RBM4: variants seen among roughly 807,000 people sequenced by gnomAD.
RBM4 encodes the protein RNA-binding protein 4.
Under a neutral mutation model 29.5 loss-of-function variants are expected in RBM4, and 7 were observed. The observed-to-expected ratio is 0.24, with a 90% CI of 0.14 to 0.45. The LOEUF (loss-of-function observed/expected upper bound fraction) is 0.45, where lower values mean the gene tolerates loss of function less well. RBM4 is among the 20% of genes least tolerant of loss of function. RBM4 has a pLI of 1.00. For missense variants in RBM4, 387 were observed against 502.3 expected, an observed-to-expected ratio of 0.77 and a Z score of 2.19; for synonymous variants, 220 against 205.4, an observed-to-expected ratio of 1.07 and a Z score of -0.61.
intron 2 of RBM4, chr11:66,665,476 T>C: frequency 1.1e-6 from 1 of 874,396 alleles, no homozygotes; most frequent in Non-Finnish European, 1.8e-6. Context: ...TCCTTTTGTT[T>C]ACTGAAACAT....
downstream of RBM4, among the ~76,000 whole-genome samples, chr11:66,648,141 G>T (rs1938746710): frequency 6.6e-6 from 1 of 152,150 alleles, no homozygotes. Context: ...AGGAGGCAGA[G>T]GTTGCAGTGA....
At chr11:66,645,894 T>C in intron 3 of RBM4, 133 bp from the exon 4 acceptor site, 1 of 1,462,060 alleles carries the variant, frequency 6.8e-7, no homozygotes, top group African/African-American at 1.4e-5. Flanking sequence ...ATTACTGTGA[T>C]ACTGGGGGAG....
At chr11:66,649,000 A>ATTGCTT (rs1938768054), downstream of RBM4, among the ~76,000 whole-genome samples, 1 of 149,368 alleles carries the variant, frequency 6.7e-6, no homozygotes, top group African/African-American at 2.5e-5. Context: ...TAAACCATTT[A>ATTGCTT]TTGCTTTTGT....
At chr11:66,653,107 T>C (rs928891522) in intron 2 of RBM4, among the ~76,000 whole-genome samples, 1 of 152,166 alleles carries the variant, frequency 6.6e-6, no homozygotes, top group Admixed American at 6.5e-5. Flanking sequence ...TATTCAGATA[T>C]GCAACAAGAT....
rs1045179910 is a variant in RBM4, at chr11:66,643,320, A to G, written c.413-130A>G. On this transcript the variant is annotated intron_variant, in intron 2 of 3. Transcript: ENST00000310092. The surrounding 1 kb of genome is among the most constrained non-coding windows in gnomAD (Gnocchi z 6.1). ...TGAGTCTTTTTTTTTTTTCCTTTTT[A>G]TCTTTTCCTAAAGATGAGTCCTGCA... 17 of 1,134,582 alleles carry G rather than the reference A, an allele frequency of 1.5e-5. No homozygotes were observed. The Admixed American group carries it at 3.8e-4, about 25-fold the overall frequency. The allele number at this position is 1,134,582 out of a possible 1,614,324, so 70.3% of individuals were successfully genotyped here. A position where few individuals can be genotyped will look rare whatever the true frequency, so the allele number is the denominator to read the frequency against.
intron 2 of RBM4, among the ~76,000 whole-genome samples, chr11:66,663,377 T>G (rs1484636504): frequency 1.3e-5 from 2 of 152,196 alleles, no homozygotes; most frequent in Non-Finnish European, 2.9e-5. Flanking sequence ...AATTTTTTAT[T>G]TTTTTGAGAT....
chr11:66,646,218 T>TC lies in RBM4; in HGVS notation c.*201dup. On this transcript the variant is annotated 3_prime_UTR_variant, in exon 4 of 4. Transcript: ENST00000310092. ...TTTCCTCTCCTGCCCATTTTCCTGT[T>TC]CTTCTGTCCTTCAATACTTCTGTAG... 6.9e-7 allele frequency: 1 copy of TC among 1,453,502 alleles called. No individual in the cohort carries two copies. The highest frequency in any genetic ancestry group is 1.4e-5 in the South Asian group (1 of 70,290). 90.0% of individuals were successfully genotyped at this position (1,453,502 alleles called of 1,614,324 possible).
chr11:66,662,893 TACTG>T lies in RBM4; in HGVS notation c.413-2960_413-2957del, dbSNP rs1939111430. 3.9e-5 allele frequency among the ~76,000 whole-genome samples: 6 copies of T among 152,194 alleles called. No homozygotes were observed. The South Asian group carries it at 1.2e-3, about 32-fold the overall frequency. On this transcript the variant is annotated intron_variant, in intron 2 of 2. Transcript: ENST00000396053. The stretch of plus-strand genomic sequence containing the variant: ...GAGACAGTCTTGCTTCCTTGGGGAA[TACTG>T]ACGCTAACATGAGCCTTATGTACAT...
chr11:66,641,683 C>T (rs1399788992), intron 2 of RBM4, among the ~76,000 whole-genome samples: 1 of 152,138 alleles, frequency 6.6e-6, no homozygotes, highest in African/African-American at 2.4e-5. Flanking sequence ...CCTAGGTCCC[C>T]TGACACTAAC....
At position 66,639,736 on chromosome 11, in the gene RBM4, C is replaced by G; in HGVS notation, c.25C>G (p.Leu9Val). 6.2e-7 allele frequency: 1 copy of G among 1,614,094 alleles called. No individual in the cohort carries two copies. The highest frequency in any genetic ancestry group is 8.5e-7 in the Non-Finnish European group (1 of 1,179,928). Residue 9 changes from leucine (L) to valine (V), a missense_variant, in exon 2 of 4, where the codon CTG becomes GTG. Transcript: ENST00000310092. ...GATGGTGAAGCTGTTCATCGGAAAC[C>G]TGCCCCGGGAGGCTACAGAGCAGGA... MVKLFIGN[L>V]PREATEQEIR...
intron 2 of RBM4, among the ~76,000 whole-genome samples, chr11:66,659,587 T>C (rs1939034652): frequency 1.3e-5 from 2 of 152,140 alleles, no homozygotes; most frequent in African/African-American, 4.8e-5. Context: ...CTGGTTGTCT[T>C]AATACACCTC....
At chr11:66,661,212 G>T (rs577900113) in intron 2 of RBM4, among the ~76,000 whole-genome samples, 3 of 152,204 alleles carry the variant, frequency 2.0e-5, no homozygotes, top group African/African-American at 7.2e-5. Context: ...GCAGAGCCTA[G>T]CTCTGGTCTG....
intron 2 of RBM4, among the ~76,000 whole-genome samples, chr11:66,664,442 G>A (rs1167610869): frequency 7.2e-5 from 11 of 151,822 alleles, no homozygotes; most frequent in Admixed American, 7.2e-4. Flanking sequence ...GAGCTATCGC[G>A]CCTGGCCAAC....
intron 2 of RBM4, among the ~76,000 whole-genome samples, chr11:66,651,628 G>A (rs1048494199): frequency 7.9e-5 from 12 of 152,160 alleles, no homozygotes; most frequent in African/African-American, 4.8e-5. Context: ...GATTACAGGC[G>A]TGAGCCACCA....
exon 3 of RBM4, chr11:66,667,736 C>T (rs1332305814): frequency 3.3e-5 from 5 of 151,216 alleles, no homozygotes; most frequent in Admixed American, 1.3e-4. Context: ...GACAGTCTCA[C>T]TCTGTTGCCC....
At chr11:66,654,988 C>T (rs926335574) in intron 2 of RBM4, among the ~76,000 whole-genome samples, 2 of 151,554 alleles carry the variant, frequency 1.3e-5, no homozygotes, top group Non-Finnish European at 2.9e-5. Flanking sequence ...CCACGCCCAG[C>T]TAAATTTTTT....
chr11:66,661,109 C>G (rs879730494), intron 2 of RBM4, among the ~76,000 whole-genome samples: 2 of 152,172 alleles, frequency 1.3e-5, no homozygotes, highest in Non-Finnish European at 2.9e-5. Context: ...TAAGGCACTT[C>G]AGATTGAATT....
intron 2 of RBM4, among the ~76,000 whole-genome samples, chr11:66,653,168 G>C (rs895851863): frequency 6.6e-6 from 1 of 152,040 alleles, no homozygotes. Context: ...AACTGAGTTT[G>C]GGGCTTCCTT....
At chr11:66,662,465 G>T (rs1939101967) in intron 2 of RBM4, among the ~76,000 whole-genome samples, 1 of 152,014 alleles carries the variant, frequency 6.6e-6, no homozygotes, top group Non-Finnish European at 1.5e-5. Flanking sequence ...GCATTGGCGT[G>T]ATCTTGGCTC....
Sources: gnomAD v4.1 joint callset for allele counts (sites outside exome capture counted in the v4.1 genomes callset) on GRCh38, gnomAD v4.1.1 for gene constraint, Gnocchi (gnomAD v3.1) non-coding constraint, MANE v1.5 for transcripts, NCBI Gene and HGNC (gene_info 2026-07-23, HGNC 2026-07-21) for gene names.